The following MEIS2 variants were observed in gnomAD, a reference collection of about 807,000 sequenced individuals.
The protein encoded by MEIS2 is Meis homeobox 2.
MEIS2 carries 9 observed loss-of-function variants against 58.6 expected under a neutral mutation model. That is an observed-to-expected ratio of 0.15 (90% CI 0.09 to 0.27). MEIS2 has a LOEUF of 0.27. Among genes scored for constraint, MEIS2 ranks in the 10% least tolerant of loss-of-function variants. MEIS2 has a pLI of 1.00. For missense variants in MEIS2, 427 were observed against 635.0 expected, an observed-to-expected ratio of 0.67 and a Z score of 3.52; for synonymous variants, 221 against 228.4, an observed-to-expected ratio of 0.97 and a Z score of 0.29.
chr15:37,044,197 A>T (rs1320865957), intron 7 of MEIS2, among the ~76,000 whole-genome samples: 3 of 152,102 alleles, frequency 2.0e-5, no homozygotes, highest in African/African-American at 7.2e-5. Context: ...GCCCATGCTC[A>T]CCTCCTCTAT....
At chr15:36,973,456 T>G (rs563805495) in intron 8 of MEIS2, among the ~76,000 whole-genome samples, 1 of 152,332 alleles carries the variant, frequency 6.6e-6, no homozygotes, top group African/African-American at 2.4e-5. Flanking sequence ...CTTTAAAGCT[T>G]AGATCTGCAT....
intron 8 of MEIS2, among the ~76,000 whole-genome samples, chr15:36,979,692 T>C (rs908027489): frequency 6.8e-6 from 1 of 147,278 alleles, no homozygotes. Context: ...TTATATATAA[T>C]ATATAAAAAT....
chr15:37,062,193 G>C (rs1889310127), intron 7 of MEIS2, among the ~76,000 whole-genome samples: 1 of 152,176 alleles, frequency 6.6e-6, no homozygotes, highest in Non-Finnish European at 1.5e-5. Context: ...AATACTCTTT[G>C]CATGTGGCAC....
chr15:37,036,027 A>C (rs1283608638), intron 8 of MEIS2, among the ~76,000 whole-genome samples: 1 of 152,248 alleles, frequency 6.6e-6, no homozygotes, highest in Non-Finnish European at 1.5e-5. Flanking sequence ...TGAACAGTAA[A>C]ATATAAGCAT....
intron 8 of MEIS2, among the ~76,000 whole-genome samples, chr15:37,027,181 T>C (rs539776773): frequency 4.6e-5 from 7 of 152,314 alleles, no homozygotes; most frequent in Admixed American, 2.0e-4. Flanking sequence ...GGGCTGGATA[T>C]CATCTTTACA....
intron 6 of MEIS2, 124 bp downstream of exon 6, chr15:37,093,457 G>T (rs1331398836): frequency 2.5e-6 from 3 of 1,177,506 alleles, no homozygotes; most frequent in Non-Finnish European, 2.3e-6. Flanking sequence ...GAGAAGAAAA[G>T]ACCCCAAAAG....
At chr15:37,066,706 C>T (rs538973435) in intron 7 of MEIS2, among the ~76,000 whole-genome samples, 185 of 152,246 alleles carry the variant, frequency 1.2e-3, no homozygotes, top group African/African-American at 4.3e-3. Context: ...TTAGAAATCC[C>T]CTAACATCCT....
chr15:36,899,460 A>G (rs1003763676), intron 9 of MEIS2, among the ~76,000 whole-genome samples: 5 of 152,212 alleles, frequency 3.3e-5, no homozygotes, highest in South Asian at 2.1e-4. Flanking sequence ...AAACAAATCA[A>G]ACTAGAAATA....
At chr15:36,913,407 C>T (rs143684899) in intron 9 of MEIS2, among the ~76,000 whole-genome samples, 85 of 152,302 alleles carry the variant, frequency 5.6e-4, no homozygotes, top group African/African-American at 1.8e-3. Flanking sequence ...AGTTAACAGC[C>T]TCTACTTAAA....
chr15:36,907,808 T>A (rs940278942), intron 9 of MEIS2, among the ~76,000 whole-genome samples: 2 of 152,002 alleles, frequency 1.3e-5, no homozygotes, highest in Admixed American at 6.6e-5. Flanking sequence ...GAAAGTCAAG[T>A]AATATTAAGA....
At position 37,037,687 on chromosome 15, in the gene MEIS2, C is replaced by T. The variant is rs1396843987; in HGVS notation, c.755-728G>A. ...ACAGTCATAGTTATTTTTTCTTGCC[C>T]TCTGGCAAAAATGCCTTGAAAGCCT... On this transcript the variant is annotated intron_variant, in intron 7 of 11. Transcript: ENST00000561208. Among the ~76,000 whole-genome samples the T allele has an allele frequency of 3.9e-5, 6 of 152,234 alleles. No homozygotes were observed. The East Asian group carries it at 1.2e-3, about 29-fold the overall frequency.
At chr15:36,961,864 A>G (rs1465488609) in intron 8 of MEIS2, among the ~76,000 whole-genome samples, 3 of 152,236 alleles carry the variant, frequency 2.0e-5, no homozygotes, top group Non-Finnish European at 4.4e-5. Flanking sequence ...ATAGAAAGCA[A>G]TAGCTATTTC....
intron 7 of MEIS2, among the ~76,000 whole-genome samples, chr15:37,049,830 T>C (rs1345967981): frequency 6.7e-6 from 1 of 150,264 alleles, no homozygotes; most frequent in Admixed American, 6.7e-5. Flanking sequence ...CCACTACAAA[T>C]AAGCATGCTG....
chr15:36,998,380 C>A (rs1028574256), intron 8 of MEIS2, among the ~76,000 whole-genome samples: 1 of 151,624 alleles, frequency 6.6e-6, no homozygotes. Context: ...ACCACCACAC[C>A]AGGCTAATTC....
intron 9 of MEIS2, among the ~76,000 whole-genome samples, chr15:36,912,416 G>T (rs1207799412): frequency 2.0e-5 from 3 of 152,294 alleles, no homozygotes; most frequent in Middle Eastern, 6.8e-3. Context: ...TTGCACAAAG[G>T]CAGCAAAAGT....
chr15:36,946,492 A>G (rs1595782251), intron 9 of MEIS2, among the ~76,000 whole-genome samples: 1 of 151,670 alleles, frequency 6.6e-6, no homozygotes, highest in Admixed American at 6.6e-5. Context: ...GAAGTTATGC[A>G]CAGTAAGTTG....
chr15:37,032,041 T>C (rs146092771), intron 8 of MEIS2, among the ~76,000 whole-genome samples: 139 of 152,300 alleles, frequency 9.1e-4, no homozygotes, highest in Middle Eastern at 3.4e-3. Context: ...GATCTCATTA[T>C]GTTGCCCAGG....
At chr15:36,971,473 G>C (rs1199570154) in intron 8 of MEIS2, among the ~76,000 whole-genome samples, 1 of 138,528 alleles carries the variant, frequency 7.2e-6, no homozygotes, top group Non-Finnish European at 1.5e-5. Flanking sequence ...TAAGAAACTG[G>C]CTTGGAACTT....
intron 8 of MEIS2, among the ~76,000 whole-genome samples, chr15:37,000,363 T>A (rs2060676766): frequency 3.3e-5 from 5 of 151,788 alleles, no homozygotes; most frequent in African/African-American, 1.2e-4. Context: ...GGACTGGAGG[T>A]CTCTTTACCA....
Sources: allele counts gnomAD v4.1 joint callset (sites outside exome capture counted in the v4.1 genomes callset), GRCh38; gene constraint gnomAD v4.1.1; transcripts MANE v1.5; gene names NCBI Gene and HGNC (gene_info 2026-07-23, HGNC 2026-07-21).